Variants in MSMO1 observed in about 807,000 individuals in gnomAD.
MSMO1 encodes the protein C-4 methylsterol oxidase.
In MSMO1, 18 loss-of-function variants were observed where a neutral mutation model predicts 30.4. The observed-to-expected ratio is 0.59, with a 90% CI of 0.41 to 0.88. The LOEUF is 0.88. Among genes scored for constraint, MSMO1 ranks in the 40% least tolerant of loss-of-function variants. MSMO1 has a pLI of 0.00. For synonymous variants in MSMO1, 84 were observed against 107.9 expected (o/e 0.78, Z 1.37); for missense variants, 284 against 340.5 (o/e 0.83, Z 1.31).
chr4:165,329,602 T>C (rs1280812262), intron 1 of MSMO1, among the ~76,000 whole-genome samples: 6 of 149,118 alleles, frequency 4.0e-5, no homozygotes, highest in Non-Finnish European at 7.4e-5. Flanking sequence ...TTTATTGGAT[T>C]TGGCAGCTGG....
In MSMO1 at chr4:165,329,658, G is replaced by A. The variant is rs529883430; in HGVS notation, c.-32+1894G>A. Among the ~76,000 whole-genome samples the A allele has an allele frequency of 2.0e-3, 135 of 69,022 alleles. 3 individuals carry two copies. Among genetic ancestry groups the A allele is most frequent in the Middle Eastern group, 0.013 (1 of 80 alleles). The allele number at this position is 69,022 out of a possible 152,430, so 45.3% of individuals were successfully genotyped here. On this transcript the variant is annotated intron_variant, in intron 1 of 5. Coordinates refer to ENST00000261507, the MANE Select transcript of MSMO1 (RefSeq NM_006745.5). ...TTTTTTTTTTTTTTTTTTTTGAGAC[G>A]GAGTCTCACTCTGTCGCCCAGGCTG...
At position 165,338,639 on chromosome 4, in the gene MSMO1, T is replaced by C. The variant is rs757883360; in HGVS notation, c.405-13T>C. On this transcript the variant is annotated splice_polypyrimidine_tract_variant and intron_variant, in intron 3 of 5. Coordinates refer to ENST00000261507, the MANE Select transcript of MSMO1 (RefSeq NM_006745.5). ...AATTATTTCTTACACATTACAACAT[T>C]TTTATCTTAAAGGTATTTTCTTTTG... is the stretch of plus-strand genomic sequence containing the variant. The C allele has an allele frequency of 3.1e-6, 5 of 1,603,642 alleles. No homozygotes were observed. Among genetic ancestry groups the C allele is most frequent in the Non-Finnish European group, 4.3e-6 (5 of 1,170,700 alleles).
intron 1 of MSMO1, among the ~76,000 whole-genome samples, chr4:165,330,037 C>T (rs928381453): frequency 2.0e-5 from 3 of 152,110 alleles, no homozygotes; most frequent in African/African-American, 4.8e-5. Context: ...AAAGACAACT[C>T]GTGGAATACC....
intron 1 of MSMO1, among the ~76,000 whole-genome samples, chr4:165,329,596 T>C (rs994804119): frequency 7.3e-5 from 11 of 149,860 alleles, no homozygotes; most frequent in African/African-American, 2.7e-4. Flanking sequence ...AAAAGGTTTA[T>C]TGGATTTGGC....
intron 5 of MSMO1, 143 bp downstream of exon 5, chr4:165,340,518 A>G: frequency 1.3e-6 from 1 of 741,104 alleles, no homozygotes; most frequent in Non-Finnish European, 2.2e-6. Flanking sequence ...CTGTTGGATA[A>G]AAGTTTAAAT....
rs869192459 is a variant in MSMO1, at chr4:165,339,096, C to CTTTTTTTTTTTTTT, written c.531+330_531+343dup. On this transcript the variant is annotated intron_variant, in intron 4 of 5. Transcript: ENST00000261507. ...AAAACAGTAACTTCTATGAGCACTG[C>CTTTTTTTTTTTTTT]TTTTTTTTTTTTTTTTTTTTTTTTT... Among the ~76,000 whole-genome samples, 64 of 60,520 alleles carry CTTTTTTTTTTTTTT rather than the reference C, an allele frequency of 1.1e-3. 6 individuals carry two copies. The highest frequency in any genetic ancestry group is 1.3e-3 in the East Asian group (2 of 1,512). The allele number at this position is 60,520 out of a possible 152,430, so 39.7% of individuals were successfully genotyped here. A position where few individuals can be genotyped will look rare whatever the true frequency, so the allele number is the denominator to read the frequency against.
chr4:165,336,588 T>C (rs1358122252), intron 2 of MSMO1, among the ~76,000 whole-genome samples: 1 of 152,218 alleles, frequency 6.6e-6, no homozygotes, highest in Non-Finnish European at 1.5e-5. Context: ...TATTGCCAAC[T>C]GAAGCCTGAA....
chr4:165,341,003 ATTC>A (rs982218655), intron 5 of MSMO1, among the ~76,000 whole-genome samples: 2 of 152,058 alleles, frequency 1.3e-5, no homozygotes, highest in Non-Finnish European at 2.9e-5. Flanking sequence ...GGCAGAGAAT[ATTC>A]TTCTGTAGAA....
chr4:165,333,324 G>A lies in MSMO1; in HGVS notation c.-31-16G>A, dbSNP rs1278971968. 9 of 1,589,650 alleles carry A rather than the reference G, an allele frequency of 5.7e-6. No homozygotes were observed. Among genetic ancestry groups the A allele is most frequent in the Non-Finnish European group, 7.7e-6 (9 of 1,162,872 alleles). On this transcript the variant is annotated splice_polypyrimidine_tract_variant and intron_variant, in intron 1 of 5. Coordinates refer to ENST00000261507, the MANE Select transcript of MSMO1 (RefSeq NM_006745.5). ...GCTCATTGTTTAACTTATTATATAT[G>A]TATTCATTTCTACAGAATTATAAGG... is the stretch of plus-strand genomic sequence containing the variant.
At chr4:165,333,265 A>G (rs1747448151) in intron 1 of MSMO1, 75 bp from the exon 2 acceptor site, 1 of 1,209,516 alleles carries the variant, frequency 8.3e-7, no homozygotes, top group Non-Finnish European at 1.2e-6. Flanking sequence ...AAATGATCAG[A>G]GGATGCATTT....
intron 2 of MSMO1, among the ~76,000 whole-genome samples, chr4:165,337,281 T>C (rs2322292): frequency 0.67 from 101,762 of 152,016 alleles, 34,544 homozygotes; most frequent in African/African-American, 0.74. Context: ...AATCAGGACA[T>C]ATCTGTGTAC....
rs1747722482 is a variant in MSMO1 at position 165,341,836 on chromosome 4, A to G, written c.772A>G (p.Ile258Val). Reference protein sequence around the residue: ...RHHDFHHMNFIGNYASTFTWW... With the variant: ...RHHDFHHMNFVGNYASTFTWW... ...TCATGATTTCCACCACATGAACTTC[A>G]TTGGAAACTATGCTTCAACATTTAC... Residue 258 changes from isoleucine (I) to valine (V), a missense_variant, in exon 6 of 6, where the codon ATT becomes GTT. Transcript: ENST00000261507. The G allele has an allele frequency of 6.2e-7, 1 of 1,613,376 alleles. No homozygotes were observed. Among genetic ancestry groups the G allele is most frequent in the Non-Finnish European group, 8.5e-7 (1 of 1,179,384 alleles).
intron 2 of MSMO1, among the ~76,000 whole-genome samples, chr4:165,335,777 T>G (rs1747522877): frequency 6.6e-6 from 1 of 152,208 alleles, no homozygotes; most frequent in African/African-American, 2.4e-5. Flanking sequence ...TATGAACAGA[T>G]TGTAAGGCTG....
At chr4:165,341,224 A>G (rs1159684919) in intron 5 of MSMO1, among the ~76,000 whole-genome samples, 1 of 152,210 alleles carries the variant, frequency 6.6e-6, no homozygotes, top group Non-Finnish European at 1.5e-5. Context: ...CCAACTATAG[A>G]AAAGTACACT....
At chr4:165,334,034 A>G (rs1194767486) in intron 2 of MSMO1, among the ~76,000 whole-genome samples, 1 of 152,226 alleles carries the variant, frequency 6.6e-6, no homozygotes, top group Non-Finnish European at 1.5e-5. Context: ...TGAAGCAGAA[A>G]GATTGCAGCA....
chr4:165,342,819 C>G lies in MSMO1; in HGVS notation c.*873C>G, dbSNP rs1414944469. Reference sequence around the variant, plus strand: ...GAGCTGACCAGTTTGAGCTGATTCTCTCTTTGAAGAGTCCTTCTTGATTGC... The same window carrying G: ...GAGCTGACCAGTTTGAGCTGATTCTGTCTTTGAAGAGTCCTTCTTGATTGC... On this transcript the variant is annotated 3_prime_UTR_variant, in exon 6 of 6. Transcript: ENST00000261507. 6.6e-6 allele frequency: 1 copy of G among 152,168 alleles called. No individual in the cohort carries two copies. Among genetic ancestry groups the G allele is most frequent in the Non-Finnish European group, 1.5e-5 (1 of 68,044 alleles). 9.4% of individuals were successfully genotyped at this position (152,168 alleles called of 1,614,324 possible). A position where few individuals can be genotyped will look rare whatever the true frequency, so the allele number is the denominator to read the frequency against.
chr4:165,340,554 A>G, intron 5 of MSMO1, 179 bp downstream of exon 5: 1 of 625,018 alleles, frequency 1.6e-6, no homozygotes, highest in Non-Finnish European at 2.7e-6. Flanking sequence ...ATTCTAGCCT[A>G]TGCTGTTATA....
chr4:165,337,449 A>G (rs1438543986), intron 2 of MSMO1, among the ~76,000 whole-genome samples: 1 of 152,254 alleles, frequency 6.6e-6, no homozygotes, highest in Non-Finnish European at 1.5e-5. Context: ...GACACCCAAC[A>G]GTAATCTTAG....
At chr4:165,336,434 G>A (rs190538095) in intron 2 of MSMO1, among the ~76,000 whole-genome samples, 1 of 152,220 alleles carries the variant, frequency 6.6e-6, no homozygotes, top group East Asian at 1.9e-4. Context: ...AACTGTCTTT[G>A]TAACTAATTT....
Sources: allele counts gnomAD v4.1 joint callset (sites outside exome capture counted in the v4.1 genomes callset), GRCh38; gene constraint gnomAD v4.1.1; transcripts MANE v1.5; gene names NCBI Gene and HGNC (gene_info 2026-07-23, HGNC 2026-07-21).